The following SLC26A8 variants were observed in gnomAD, a reference collection of about 807,000 sequenced individuals.
SLC26A8 encodes solute carrier family 26 member 8, also known as testis anion transporter 1.
A neutral mutation model predicts 105.0 loss-of-function variants in SLC26A8; 70 were observed. The observed-to-expected ratio is 0.67, with a 90% confidence interval of 0.55 to 0.81. SLC26A8 has a LOEUF of 0.81. SLC26A8 is among the 40% of genes least tolerant of loss of function. The pLI, the probability that SLC26A8 is intolerant of heterozygous loss-of-function variation, is 0.00. For synonymous variants in SLC26A8, 415 were observed against 438.3 expected (o/e 0.95, Z 0.66); for missense variants, 998 against 1,181.8 (o/e 0.84, Z 2.28).
chr6:35,990,622 G>A (rs1761108898), intron 7 of SLC26A8, among the ~76,000 whole-genome samples: 1 of 152,122 alleles, frequency 6.6e-6, no homozygotes, highest in African/African-American at 2.4e-5. Flanking sequence ...TTGTAGCATA[G>A]TGAGAAGGAA....
intron 10 of SLC26A8, chr6:35,969,956 C>T (rs962817687): frequency 2.0e-5 from 3 of 152,184 alleles, no homozygotes; most frequent in Non-Finnish European, 4.4e-5. Flanking sequence ...AGGTGGAAAA[C>T]TAAGAAGCAT....
Position 35,944,053 on chromosome 6 carries a change from A to C in SLC26A8, c.2760T>G (p.Ala920=). The change falls in exon 20 of 20, where the codon GCT becomes GCG. Residue 920 remains alanine (A), a synonymous_variant. Transcript: ENST00000490799. ...AGTAACGCTGCTGAGGAAAAGTGTG[A>C]GCTCTTGGCCTAGATTTGGGGTTGG... ...MEPNPKSRPR[A]HTFPQQRYWP... 2.5e-6 allele frequency: 4 copies of C among 1,614,028 alleles called. No homozygotes were observed. The highest frequency in any genetic ancestry group is 3.4e-6 in the Non-Finnish European group (4 of 1,179,990).
chr6:36,019,799 T>C, intron 1 of SLC26A8, 90 bp from the exon 2 acceptor site: 1 of 1,268,582 alleles, frequency 7.9e-7, no homozygotes, highest in Non-Finnish European at 1.1e-6. Flanking sequence ...TCCTATATAA[T>C]AATGTTTTAC....
chr6:35,997,665 A>G (rs1761393398), intron 5 of SLC26A8, 73 bp downstream of exon 5: 3 of 1,383,090 alleles, frequency 2.2e-6, no homozygotes, highest in Non-Finnish European at 2.9e-6. Flanking sequence ...TCACAGGAGC[A>G]GTATAAGGAA....
At chr6:35,999,940 G>A in intron 4 of SLC26A8, 52 bp downstream of exon 4, 7 of 1,253,300 alleles carry the variant, frequency 5.6e-6, no homozygotes, top group Non-Finnish European at 8.2e-6. Context: ...ATAAGTATAT[G>A]ATCAAGATGG....
Position 35,955,448 on chromosome 6 carries a change from G to A in SLC26A8, c.1936C>T (p.His646Tyr), listed in dbSNP as rs1379735962. 6.2e-7 allele frequency: 1 copy of A among 1,614,206 alleles called. No homozygotes were observed. The highest frequency in any genetic ancestry group is 1.3e-5 in the African/African-American group (1 of 75,050). ...TGGCTTGTGTTCATGCTCTCAAAAT[G>A]TGAGCAGTGAATCAGGTTAATGGAG... ...ASSINLIHCSHFESMNTSQTA... is the reference protein window; with the variant it reads ...ASSINLIHCSYFESMNTSQTA... The change falls in exon 17 of 20, where the codon CAT becomes TAT. Residue 646 changes from histidine to tyrosine, a missense_variant. His to Tyr is a moderately conservative substitution (Grantham distance 83, BLOSUM62 2). Transcript: ENST00000490799.
chr6:35,950,652 C>A (rs1214912418), intron 19 of SLC26A8, among the ~76,000 whole-genome samples: 1 of 152,130 alleles, frequency 6.6e-6, no homozygotes, highest in African/African-American at 2.4e-5. Flanking sequence ...ATTTGGTCAG[C>A]TTGAGTAAAT....
chr6:35,956,961 G>A (rs1412801605), intron 16 of SLC26A8, among the ~76,000 whole-genome samples: 1 of 150,152 alleles, frequency 6.7e-6, no homozygotes, highest in Non-Finnish European at 1.5e-5. Context: ...TGTGCCTCAC[G>A]CCTGTAATCC....
chr6:36,014,602 C>T (rs1030927298), intron 2 of SLC26A8, among the ~76,000 whole-genome samples: 2 of 152,170 alleles, frequency 1.3e-5, no homozygotes, highest in Non-Finnish European at 2.9e-5. Flanking sequence ...TCACTTATGG[C>T]CAGGTGCGGT....
rs918066927 is a variant in SLC26A8, at chr6:35,974,614, A to T, written c.1287+761T>A. 1.2e-4 allele frequency among the ~76,000 whole-genome samples: 19 copies of T among 152,262 alleles called. 2 individuals are homozygous for T. The South Asian group carries it at 2.3e-3, about 18-fold the overall frequency. On this transcript the variant is annotated intron_variant, in intron 10 of 19. Transcript: ENST00000490799. ...ATGCCCTTTTGAAGAAGCCAGGAAA[A>T]TTTTTGCTTTGCTGCCAAGGTGTGT...
Position 35,992,670 on chromosome 6 carries a change from A to T in SLC26A8, c.632T>A (p.Ile211Lys). The T allele has an allele frequency of 6.2e-7, 1 of 1,608,058 alleles. No homozygotes were observed. Among genetic ancestry groups the T allele is most frequent in the Non-Finnish European group, 8.5e-7 (1 of 1,177,624 alleles). The change falls in exon 6 of 20, where the codon ATA (isoleucine) becomes AAA (lysine). Residue 211 changes from isoleucine (I) to lysine (K), a missense_variant. Transcript: ENST00000490799. Reference sequence around the variant, plus strand: ...GAAGCCCAAACCCAATACGCCCATTATTAGCTGCAGAGAAGAGAAAACCAG... The same window carrying T: ...GAAGCCCAAACCCAATACGCCCATTTTTAGCTGCAGAGAAGAGAAAACCAG... ...TTFLTGIIQL[I>K]MGVLGLGFIA...
chr6:35,993,186 T>TGGGTGGG (rs71307460), intron 5 of SLC26A8, among the ~76,000 whole-genome samples: 1 of 30,804 alleles, frequency 3.2e-5, no homozygotes, highest in African/African-American at 7.5e-5. Context: ...TGATAGAGAT[T>TGGGTGGG]GGAGGGGGGG....
At chr6:35,983,633 C>T (rs1352531284) in intron 7 of SLC26A8, among the ~76,000 whole-genome samples, 2 of 151,870 alleles carry the variant, frequency 1.3e-5, no homozygotes, top group South Asian at 2.1e-4. Context: ...CTCACTGCAA[C>T]CTCTGCCTCC....
intron 8 of SLC26A8, among the ~76,000 whole-genome samples, chr6:35,980,421 T>C (rs1289640923): frequency 6.6e-6 from 1 of 152,240 alleles, no homozygotes; most frequent in Non-Finnish European, 1.5e-5. Flanking sequence ...AATTTAAACA[T>C]GGGAAGCCTT....
At chr6:35,985,517 A>AC (rs1773469680) in intron 7 of SLC26A8, among the ~76,000 whole-genome samples, 1 of 151,622 alleles carries the variant, frequency 6.6e-6, no homozygotes, top group African/African-American at 2.4e-5. Context: ...ACATGGTGAA[A>AC]CCCCATCTCT....
At position 35,951,477 on chromosome 6, in the gene SLC26A8, G is replaced by A; in HGVS notation, c.2255C>T (p.Ala752Val). 1 of 1,614,140 alleles carries A rather than the reference G, an allele frequency of 6.2e-7. No homozygotes were observed. The highest frequency in any genetic ancestry group is 8.5e-7 in the Non-Finnish European group (1 of 1,180,030). The change falls in exon 18 of 20, where the codon GCC becomes GTC. Residue 752 changes from alanine (A) to valine (V), a missense_variant. Coordinates refer to ENST00000490799, the MANE Select transcript of SLC26A8 (RefSeq NM_052961.4). Reference protein sequence around the residue: ...LRQICNAFQNANILILIAGCH... With the variant: ...LRQICNAFQNVNILILIAGCH... ...CCCTGCAATGAGTATCAAAATGTTG[G>A]CGTTTTGAAAGGCATTGCATATCTG...
chr6:35,963,346 A>G (rs1305205834), intron 11 of SLC26A8, among the ~76,000 whole-genome samples: 1 of 152,168 alleles, frequency 6.6e-6, no homozygotes, highest in Non-Finnish European at 1.5e-5. Flanking sequence ...TTTATAAGTA[A>G]CAAAATTTTC....
rs773830447 is a variant in SLC26A8, at chr6:35,944,089, A to G, written c.2724T>C (p.Pro908=). The G allele has an allele frequency of 6.2e-7, 1 of 1,613,932 alleles. No individual in the cohort carries two copies. The highest frequency in any genetic ancestry group is 1.6e-4 in the Middle Eastern group (1 of 6,062). ...TEMEPQPETE[P]EMEPNPKSRP... Reference sequence around the variant, plus strand: ...TAGATTTGGGGTTGGGCTCCATCTCAGGCTCAGTCTCAGGCTGGGGCTCCA... The same window carrying G: ...TAGATTTGGGGTTGGGCTCCATCTCGGGCTCAGTCTCAGGCTGGGGCTCCA... The change falls in exon 20 of 20, where the codon CCT becomes CCC. Residue 908 remains proline (P), a synonymous_variant. Transcript: ENST00000490799.
intron 6 of SLC26A8, 82 bp downstream of exon 6, chr6:35,992,428 A>T (rs1312349634): frequency 7.1e-7 from 1 of 1,405,304 alleles, no homozygotes; most frequent in Middle Eastern, 1.9e-4. Flanking sequence ...AAGGGGCGGG[A>T]GTCTCCCTAC....
Sources: gnomAD v4.1 joint callset for allele counts (sites outside exome capture counted in the v4.1 genomes callset) on GRCh38, gnomAD v4.1.1 for gene constraint, MANE v1.5 for transcripts, NCBI Gene and HGNC (gene_info 2026-07-23, HGNC 2026-07-21) for gene names.